Variants in CAPN8 observed in about 807,000 individuals in gnomAD.
CAPN8 encodes the protein calpain 8, also known as calpain-8.
Under a neutral mutation model 80.9 loss-of-function variants are expected in CAPN8, and 87 were observed. The observed-to-expected ratio is 1.07, with a 90% CI of 0.90 to 1.28. CAPN8 has a LOEUF of 1.28. Among genes scored for constraint, CAPN8 ranks in the 50% most tolerant of loss-of-function variants. The pLI is 0.00. For missense variants in CAPN8, 757 were observed against 702.0 expected, an observed-to-expected ratio of 1.08 and a Z score of -0.89; for synonymous variants, 299 against 273.8, an observed-to-expected ratio of 1.09 and a Z score of -0.91.
intron 1 of CAPN8, among the ~76,000 whole-genome samples, chr1:223,662,079 C>T (rs979169505): frequency 1.3e-5 from 2 of 152,168 alleles, no homozygotes; most frequent in Non-Finnish European, 2.9e-5. Flanking sequence ...AGGACAAATA[C>T]TGTATAATTC....
At chr1:223,663,318 CT>C (rs1400344553) in intron 1 of CAPN8, among the ~76,000 whole-genome samples, 3 of 152,172 alleles carry the variant, frequency 2.0e-5, no homozygotes, top group African/African-American at 7.2e-5. Context: ...TGACTTTGGT[CT>C]CTAAAGGAAA....
intron 2 of CAPN8, among the ~76,000 whole-genome samples, chr1:223,642,007 C>T (rs1658055516): frequency 6.6e-6 from 1 of 152,188 alleles, no homozygotes; most frequent in Non-Finnish European, 1.5e-5. Flanking sequence ...TCCTACTGTA[C>T]TTGTAAATTA....
chr1:223,633,542 G>A (rs916845649), intron 2 of CAPN8, among the ~76,000 whole-genome samples: 1 of 152,086 alleles, frequency 6.6e-6, no homozygotes, highest in Non-Finnish European at 1.5e-5. Flanking sequence ...GGCACCTGTA[G>A]TACCAGCTAC....
chr1:223,545,521 C>A (rs1488559571), intron 16 of CAPN8: 6 of 673,930 alleles, frequency 8.9e-6, no homozygotes, highest in Admixed American at 6.0e-5. Context: ...GAGCTAGGAA[C>A]AAAGGGCAAG....
chr1:223,659,007 G>A (rs1488236732), intron 1 of CAPN8, among the ~76,000 whole-genome samples: 1 of 152,124 alleles, frequency 6.6e-6, no homozygotes, highest in African/African-American at 2.4e-5. Flanking sequence ...CCCACACTTA[G>A]AACCCTTTTT....
chr1:223,622,813 A>G lies in CAPN8; in HGVS notation c.899+2T>C, dbSNP rs1657443614. 6.4e-7 allele frequency: 1 copy of G among 1,551,072 alleles called. No homozygotes were observed. The highest frequency in any genetic ancestry group is 8.7e-7 in the Non-Finnish European group (1 of 1,146,566). On this transcript the variant is annotated splice_donor_variant, in intron 7 of 20. Transcript: ENST00000366872. LOFTEE classifies it high-confidence loss of function. ...CTGGAGAAGCGGGGGAAAAAAACCTACTCATCGCTCCAGGCTCCCGACCAC... is the reference window on the plus strand; with the variant it reads ...CTGGAGAAGCGGGGGAAAAAAACCTGCTCATCGCTCCAGGCTCCCGACCAC...
chr1:223,611,235 A>G (rs1246867579), intron 11 of CAPN8, among the ~76,000 whole-genome samples: 1 of 152,214 alleles, frequency 6.6e-6, no homozygotes, highest in African/African-American at 2.4e-5. Context: ...CTCAACTCCC[A>G]GCAGGACGCT....
At chr1:223,545,428 G>C in intron 16 of CAPN8, 129 bp from the exon 17 acceptor site, 18 of 1,408,602 alleles carry the variant, frequency 1.3e-5, no homozygotes, top group Non-Finnish European at 1.6e-5. Context: ...AAGCAGAGCA[G>C]TGGGGGTGAC....
chr1:223,618,296 ATT>A, intron 9 of CAPN8: 1 of 1,550,538 alleles, frequency 6.4e-7, no homozygotes, highest in Non-Finnish European at 8.7e-7. Context: ...ACAGGGACAC[ATT>A]AGTGATCTTC....
At chr1:223,553,102 G>T in intron 14 of CAPN8, among the ~76,000 whole-genome samples, 1 of 151,934 alleles carries the variant, frequency 6.6e-6, no homozygotes, top group South Asian at 2.1e-4. Context: ...GGAGACCATT[G>T]TTTTTTCCTC....
At chr1:223,625,268 C>T (rs1016513642) in intron 6 of CAPN8, among the ~76,000 whole-genome samples, 2 of 152,088 alleles carry the variant, frequency 1.3e-5, no homozygotes, top group African/African-American at 4.8e-5. Context: ...CTGTTTTGCC[C>T]ACACAAACAT....
At chr1:223,648,345 C>T (rs1348184177) in intron 2 of CAPN8, among the ~76,000 whole-genome samples, 1 of 152,354 alleles carries the variant, frequency 6.6e-6, no homozygotes, top group East Asian at 1.9e-4. Flanking sequence ...TGACCCTGTG[C>T]TCTCCATAAT....
At position 223,620,239 on chromosome 1, in the gene CAPN8, G is replaced by A. The variant is rs1026944249; in HGVS notation, c.927C>T (p.Pro309=). 3.9e-6 allele frequency: 6 copies of A among 1,551,478 alleles called. No individual in the cohort carries two copies. In the African/African-American group the frequency reaches 4.1e-5, roughly 11 times the overall value. Reference sequence around the variant, plus strand: ...TCTTGTCCAGTTCTTCCTTCCGCCGGGGGTCTATGTGATTCCACTCTGGTG... The same window carrying A: ...TCTTGTCCAGTTCTTCCTTCCGCCGAGGGTCTATGTGATTCCACTCTGGTG... The part of the protein sequence containing the change: ...DDAPEWNHID[P]RRKEELDKKV... Residue 309 remains proline (P), a synonymous_variant, in exon 8 of 21, where the codon CCC becomes CCT. Coordinates refer to ENST00000366872, the MANE Select transcript of CAPN8 (RefSeq NM_001143962.2).
intron 2 of CAPN8, chr1:223,642,935 A>G (rs1416677156): frequency 2.6e-6 from 1 of 388,476 alleles, no homozygotes; most frequent in Non-Finnish European, 5.1e-6. Flanking sequence ...ACTTAGAGGG[A>G]AACATTTTTC....
intron 3 of CAPN8, among the ~76,000 whole-genome samples, chr1:223,628,378 C>G (rs1410034768): frequency 6.6e-6 from 1 of 152,204 alleles, no homozygotes; most frequent in Non-Finnish European, 1.5e-5. Context: ...CACCTAGTGG[C>G]AGCAGGAAGT....
At chr1:223,622,760 C>T (rs767534131) in intron 7 of CAPN8, 55 bp downstream of exon 7, 11 of 1,366,824 alleles carry the variant, frequency 8.0e-6, no homozygotes, top group South Asian at 6.2e-5. Context: ...GTGTTTTACA[C>T]GACACCCTTC....
intron 5 of CAPN8, 83 bp downstream of exon 5, chr1:223,626,906 T>A: frequency 4.9e-6 from 7 of 1,430,674 alleles, no homozygotes; most frequent in Non-Finnish European, 5.7e-6. Flanking sequence ...CCTAGGCCTC[T>A]CTCCCGCTGT....
intron 16 of CAPN8, among the ~76,000 whole-genome samples, chr1:223,546,744 G>A (rs766710846): frequency 1.9e-4 from 29 of 152,316 alleles, no homozygotes; most frequent in Non-Finnish European, 3.8e-4. Context: ...ATAAGTGGTA[G>A]AGCCAGAATT....
chr1:223,613,329 A>C (rs950157942), intron 10 of CAPN8, among the ~76,000 whole-genome samples: 7 of 152,188 alleles, frequency 4.6e-5, no homozygotes, highest in Non-Finnish European at 5.9e-5. Context: ...GTAAAACCAA[A>C]ATCACCCATG....
Sources: allele counts gnomAD v4.1 joint callset (sites outside exome capture counted in the v4.1 genomes callset), GRCh38; gene constraint gnomAD v4.1.1; transcripts MANE v1.5; gene names NCBI Gene and HGNC (gene_info 2026-07-23, HGNC 2026-07-21).